ANKFN1: variants seen among roughly 807,000 people sequenced by gnomAD.
ANKFN1 encodes ankyrin repeat and fibronectin type III domain containing 1, also known as ankyrin repeat and fibronectin type-III domain-containing protein 1.
A neutral mutation model predicts 108.7 loss-of-function variants in ANKFN1; 74 were observed. The ratio of observed to expected loss-of-function variants is 0.68; its 90% CI spans 0.56 to 0.83. The LOEUF is 0.83. Ranked by LOEUF, ANKFN1 falls within the 40% of genes least tolerant of loss-of-function variation. ANKFN1 has a pLI of 0.00. For synonymous variants in ANKFN1, 547 were observed against 516.2 expected, an observed-to-expected ratio of 1.06 and a Z score of -0.81; for missense variants, 1,505 against 1,382.3, an observed-to-expected ratio of 1.09 and a Z score of -1.41.
chr17:56,393,820 A>G (rs1406929654), intron 8 of ANKFN1, among the ~76,000 whole-genome samples: 1 of 152,220 alleles, frequency 6.6e-6, no homozygotes, highest in Non-Finnish European at 1.5e-5. Flanking sequence ...GCATTTTTCT[A>G]GTCACCACAA....
chr17:56,490,467 A>C lies in ANKFN1; in HGVS notation c.2261-1720A>C, dbSNP rs2050999853. ...GCTTGACCAAAGCTTAGGGTTGATGAGGAACTAGGGCTGGAAGGTGGCAGC... is the reference window on the plus strand; with the variant it reads ...GCTTGACCAAAGCTTAGGGTTGATGCGGAACTAGGGCTGGAAGGTGGCAGC... On this transcript the variant is annotated intron_variant, in intron 18 of 20. Coordinates refer to ENST00000682825, the MANE Select transcript of ANKFN1 (RefSeq NM_001370326.1). Among the ~76,000 whole-genome samples the C allele has an allele frequency of 2.0e-5, 3 of 152,190 alleles. No homozygotes were observed. The South Asian group carries it at 6.2e-4, about 31-fold the overall frequency.
At chr17:56,273,296 C>A (rs954176379) in intron 3 of ANKFN1, among the ~76,000 whole-genome samples, 3 of 152,044 alleles carry the variant, frequency 2.0e-5, no homozygotes, top group African/African-American at 7.2e-5. Context: ...AATGGGTATA[C>A]TATACCCAGT....
chr17:56,316,157 C>T (rs1196220729), intron 3 of ANKFN1, among the ~76,000 whole-genome samples: 1 of 152,148 alleles, frequency 6.6e-6, no homozygotes, highest in Non-Finnish European at 1.5e-5. Context: ...CAACGTTTAA[C>T]TGATAGTGCA....
At chr17:56,075,490 C>T (rs886677774) in intron 4 of ANKFN1, among the ~76,000 whole-genome samples, 6 of 152,054 alleles carry the variant, frequency 3.9e-5, no homozygotes, top group Non-Finnish European at 5.9e-5. Context: ...TGCACATGCT[C>T]CAGCCCCAAG....
rs191362919 is a variant in ANKFN1 at position 56,116,997 on chromosome 17, T to C, written c.288+70672T>C. On this transcript the variant is annotated intron_variant, in intron 4 of 12. Transcript: ENST00000635860. ...TCAATTATCTGTATGTATGTTCTTC[T>C]TCAATAAAAAAGTTAAAAATTTTTC... Among the ~76,000 whole-genome samples the C allele has an allele frequency of 8.6e-3, 1,317 of 152,286 alleles. 8 individuals are homozygous for C. The highest frequency in any genetic ancestry group is 0.02 in the Middle Eastern group (6 of 294).
At chr17:56,248,603 G>A (rs2043168118) in intron 3 of ANKFN1, among the ~76,000 whole-genome samples, 1 of 152,278 alleles carries the variant, frequency 6.6e-6, no homozygotes, top group East Asian at 1.9e-4. Flanking sequence ...GGTGAATCGA[G>A]GCCATGCAGT....
At chr17:56,371,863 A>C (rs1047793970) in intron 6 of ANKFN1, among the ~76,000 whole-genome samples, 1 of 152,222 alleles carries the variant, frequency 6.6e-6, no homozygotes, top group East Asian at 1.9e-4. Context: ...TCAAATGAAG[A>C]CTATCACATA....
intron 4 of ANKFN1, among the ~76,000 whole-genome samples, chr17:56,330,692 A>G (rs2045639176): frequency 6.6e-6 from 1 of 152,040 alleles, no homozygotes; most frequent in African/African-American, 2.4e-5. Context: ...TGAACAAACT[A>G]AGACAGTTGG....
chr17:56,144,344 C>G (rs1908127307), intron 4 of ANKFN1, among the ~76,000 whole-genome samples: 1 of 152,046 alleles, frequency 6.6e-6, no homozygotes, highest in South Asian at 2.1e-4. Flanking sequence ...CAGGCTGTTT[C>G]TTTACTTTTT....
chr17:56,164,517 A>G (rs1197870063), intron 1 of ANKFN1, among the ~76,000 whole-genome samples: 2 of 152,190 alleles, frequency 1.3e-5, no homozygotes, highest in Non-Finnish European at 2.9e-5. Flanking sequence ...CACATGATTA[A>G]TGTTTACTGG....
chr17:56,362,379 CA>C (rs528874728), intron 6 of ANKFN1, among the ~76,000 whole-genome samples: 300 of 152,250 alleles, frequency 2.0e-3, no homozygotes, highest in African/African-American at 6.9e-3. Flanking sequence ...ATATGACTAT[CA>C]AACATTTGAA....
intron 4 of ANKFN1, among the ~76,000 whole-genome samples, chr17:56,064,726 A>T (rs1327753862): frequency 2.0e-5 from 3 of 152,250 alleles, no homozygotes; most frequent in Admixed American, 2.0e-4. Context: ...CTTAGACAGC[A>T]GGCAGCCGCA....
intron 7 of ANKFN1, 123 bp downstream of exon 7, chr17:56,372,963 G>A (rs1335972746): frequency 4.0e-6 from 4 of 994,560 alleles, no homozygotes; most frequent in Non-Finnish European, 5.8e-6. Context: ...TTGTCAGCCT[G>A]TATGGAGCAA....
rs546359293 is a variant in ANKFN1, at chr17:56,508,646, AGAAAAATAAAT to A, written c.2645-1822_2645-1812del. Among the ~76,000 whole-genome samples the A allele has an allele frequency of 4.7e-3, 723 of 152,312 alleles. 5 individuals carry two copies. The highest frequency in any genetic ancestry group is 0.016 in the African/African-American group (659 of 41,566). ...GACATAGAGATGAATGAATGGAGGG[AGAAAAATAAAT>A]GAAATGATGATAGAGTATTTCATCA... On this transcript the variant is annotated intron_variant, in intron 20 of 20. Coordinates refer to ENST00000682825, the MANE Select transcript of ANKFN1 (RefSeq NM_001370326.1).
intron 8 of ANKFN1, among the ~76,000 whole-genome samples, chr17:56,402,693 T>C (rs2047798553): frequency 6.6e-6 from 1 of 152,156 alleles, no homozygotes; most frequent in Admixed American, 6.6e-5. Flanking sequence ...TTTGTTTGTT[T>C]CAATTTCATT....
chr17:56,223,358 A>C (rs1916018183), intron 2 of ANKFN1, among the ~76,000 whole-genome samples: 1 of 152,172 alleles, frequency 6.6e-6, no homozygotes, highest in Non-Finnish European at 1.5e-5. Context: ...AATATTTTCT[A>C]AATGTTTGAT....
At chr17:56,401,738 A>G (rs1239868291) in intron 8 of ANKFN1, among the ~76,000 whole-genome samples, 1 of 151,776 alleles carries the variant, frequency 6.6e-6, no homozygotes, top group Admixed American at 6.6e-5. Flanking sequence ...GTTGAAGAGG[A>G]GTGGTGAGAG....
intron 4 of ANKFN1, among the ~76,000 whole-genome samples, chr17:56,049,798 A>G (rs1904742999): frequency 6.8e-6 from 1 of 147,730 alleles, no homozygotes; most frequent in Middle Eastern, 3.4e-3. Flanking sequence ...TCATTGTTGG[A>G]CATTTGGGTT....
At chr17:56,358,699 A>G (rs536537639) in intron 6 of ANKFN1, among the ~76,000 whole-genome samples, 19 of 152,306 alleles carry the variant, frequency 1.2e-4, no homozygotes, top group South Asian at 1.2e-3. Flanking sequence ...TAGGAAAACA[A>G]CCACTGAATC....
Sources: allele counts gnomAD v4.1 joint callset (sites outside exome capture counted in the v4.1 genomes callset), GRCh38; gene constraint gnomAD v4.1.1; transcripts MANE v1.5; gene names NCBI Gene and HGNC (gene_info 2026-07-23, HGNC 2026-07-21).